Variants in SEC31A observed in about 807,000 individuals in gnomAD.
SEC31A encodes the protein SEC31 homolog A, COPII component, also known as protein transport protein Sec31A.
SEC31A carries 70 observed loss-of-function variants against 151.0 expected under a neutral mutation model. That is an observed-to-expected ratio of 0.46 (90% CI 0.38 to 0.57). The LOEUF is 0.57. Ranked by LOEUF, SEC31A falls within the 20% of genes least tolerant of loss-of-function variation. The pLI is 0.00. For missense variants in SEC31A, 1,330 were observed against 1,471.2 expected, an observed-to-expected ratio of 0.90 and a Z score of 1.57; for synonymous variants, 475 against 505.9, an observed-to-expected ratio of 0.94 and a Z score of 0.82.
intron 14 of SEC31A, among the ~76,000 whole-genome samples, chr4:82,859,354 G>C (rs1733538563): frequency 6.6e-6 from 1 of 152,056 alleles, no homozygotes; most frequent in Non-Finnish European, 1.5e-5. Flanking sequence ...AAATATAATG[G>C]GGGCATTTTG....
chr4:82,881,629 A>C (rs544502881), intron 2 of SEC31A, among the ~76,000 whole-genome samples: 13 of 152,354 alleles, frequency 8.5e-5, no homozygotes, highest in African/African-American at 2.6e-4. Flanking sequence ...TACTGGAGGA[A>C]TAAAGATAAA....
rs936776884 is a variant in SEC31A, at chr4:82,854,921, C to G, written c.1990G>C (p.Glu664Gln). 2 of 1,612,592 alleles carry G rather than the reference C, an allele frequency of 1.2e-6. No homozygotes were observed. Among genetic ancestry groups the G allele is most frequent in the African/African-American group, 2.7e-5 (2 of 74,932 alleles). Residue 664 changes from glutamate to glutamine, a missense_variant, in exon 17 of 27, where the codon GAA (glutamate) becomes CAA (glutamine). By Grantham distance (29) the Glu-to-Gln change is conservative. Coordinates refer to ENST00000395310, the MANE Select transcript of SEC31A (RefSeq NM_001077207.4). ...CTCTTACCACAAAGGGCTGAAAATTCATCCGGCTTTGCATAAGTCAATACT... is the reference window on the plus strand; with the variant it reads ...CTCTTACCACAAAGGGCTGAAAATTGATCCGGCTTTGCATAAGTCAATACT... ...AAVLTYAKPD[E>Q]FSALCDLLGT...
intron 1 of SEC31A, among the ~76,000 whole-genome samples, chr4:82,885,754 C>T (rs895719074): frequency 1.3e-5 from 2 of 152,208 alleles, no homozygotes; most frequent in Non-Finnish European, 2.9e-5. Flanking sequence ...CAATCCCTTA[C>T]ATTATTGGAC....
At chr4:82,856,401 T>A (rs12502018) in intron 16 of SEC31A, among the ~76,000 whole-genome samples, 3 of 151,544 alleles carry the variant, frequency 2.0e-5, no homozygotes, top group East Asian at 4.0e-4. Context: ...CCCCCACCTC[T>A]GCCTCCCAAA....
At chr4:82,867,986 T>C (rs1424383984) in intron 8 of SEC31A, among the ~76,000 whole-genome samples, 2 of 152,234 alleles carry the variant, frequency 1.3e-5, no homozygotes, top group Non-Finnish European at 2.9e-5. Context: ...CCAATTGTTT[T>C]TGTCTGGTAA....
chr4:82,864,499 C>T lies in SEC31A; in HGVS notation c.1297G>A (p.Val433Ile), dbSNP rs753424546. ...QQHHVFISQVVTEKEFLSRSD... is the reference protein window; with the variant it reads ...QQHHVFISQVITEKEFLSRSD... ...CGGCTGAGGAACTCCTTTTCTGTTACAACCTGACTAATGAACACATGGTGC... is the reference window on the plus strand; with the variant it reads ...CGGCTGAGGAACTCCTTTTCTGTTATAACCTGACTAATGAACACATGGTGC... Residue 433 changes from valine to isoleucine, a missense_variant, in exon 11 of 27, where the codon GTA becomes ATA. By Grantham distance (29) the Val-to-Ile change is conservative (BLOSUM62 3). Transcript: ENST00000395310. 3.1e-6 allele frequency: 5 copies of T among 1,614,028 alleles called. No homozygotes were observed. The highest frequency in any genetic ancestry group is 4.2e-6 in the Non-Finnish European group (5 of 1,180,036).
rs146328455 is a variant in SEC31A, at chr4:82,842,792, A to G, written c.2627-311T>C. The stretch of plus-strand genomic sequence containing the variant: ...CTTTTCCTGATCCTGTGAAGAGACA[A>G]CAGTGACCACCAGATGGAACCAGGG... On this transcript the variant is annotated intron_variant, in intron 21 of 26. Transcript: ENST00000395310. 1.2e-5 allele frequency: 3 copies of G among 255,454 alleles called. No individual in the cohort carries two copies. The East Asian group carries it at 2.7e-4, about 23-fold the overall frequency. The allele number at this position is 255,454 out of a possible 1,614,324, so 15.8% of individuals were successfully genotyped here.
At chr4:82,880,221 C>CA (rs1390415318) in intron 3 of SEC31A, among the ~76,000 whole-genome samples, 4 of 151,062 alleles carry the variant, frequency 2.6e-5, no homozygotes, top group African/African-American at 9.7e-5. Flanking sequence ...ACACACACAC[C>CA]AAAAAAACAG....
chr4:82,872,975 G>A (rs971402443), intron 6 of SEC31A, among the ~76,000 whole-genome samples: 3 of 152,118 alleles, frequency 2.0e-5, no homozygotes, highest in African/African-American at 7.2e-5. Context: ...AAAGTGTTAG[G>A]ATTGAGCTAC....
At chr4:82,885,714 T>C (rs1740540752) in intron 1 of SEC31A, among the ~76,000 whole-genome samples, 1 of 152,234 alleles carries the variant, frequency 6.6e-6, no homozygotes, top group Non-Finnish European at 1.5e-5. Flanking sequence ...TCCAATTTCT[T>C]TCCTCTTCTC....
At chr4:82,837,199 A>ACATAT (rs56888042) in intron 22 of SEC31A, among the ~76,000 whole-genome samples, 13 of 83,132 alleles carry the variant, frequency 1.6e-4, no homozygotes, top group Non-Finnish European at 3.2e-4. Flanking sequence ...ATATATATAT[A>ACATAT]ATTTCACCAC....
intron 8 of SEC31A, among the ~76,000 whole-genome samples, chr4:82,867,879 C>T (rs1307653433): frequency 3.3e-5 from 5 of 152,216 alleles, no homozygotes; most frequent in Admixed American, 2.0e-4. Flanking sequence ...GTGATCCGCC[C>T]GCCTTGGCCT....
chr4:82,865,832 A>T (rs978102018), intron 10 of SEC31A, among the ~76,000 whole-genome samples: 4 of 152,100 alleles, frequency 2.6e-5, no homozygotes, highest in African/African-American at 9.7e-5. Flanking sequence ...CAGTTTTGCA[A>T]GATGAGAAAG....
chr4:82,835,270 A>G (rs971682370), intron 22 of SEC31A, among the ~76,000 whole-genome samples: 2 of 152,222 alleles, frequency 1.3e-5, no homozygotes, highest in Non-Finnish European at 2.9e-5. Context: ...AGTACTATGG[A>G]GATTCATTAC....
chr4:82,874,564 T>A (rs1485571210), intron 6 of SEC31A, 47 bp downstream of exon 6: 10 of 1,531,108 alleles, frequency 6.5e-6, no homozygotes, highest in Non-Finnish European at 1.8e-6. Flanking sequence ...TAGGAATACC[T>A]ACAGCAGAAA....
At chr4:82,869,306 T>A (rs1736117568) in intron 8 of SEC31A, among the ~76,000 whole-genome samples, 1 of 151,078 alleles carries the variant, frequency 6.6e-6, no homozygotes, top group Admixed American at 6.6e-5. Flanking sequence ...ATTTTTTTTT[T>A]TTTTCAGTAG....
intron 1 of SEC31A, among the ~76,000 whole-genome samples, chr4:82,882,862 A>G (rs1469364683): frequency 6.6e-6 from 1 of 152,238 alleles, no homozygotes; most frequent in Non-Finnish European, 1.5e-5. Context: ...TCATGCTTGC[A>G]ATCGCAGCAC....
chr4:82,819,559 G>A (rs1722863876), intron 26 of SEC31A, among the ~76,000 whole-genome samples: 1 of 152,070 alleles, frequency 6.6e-6, no homozygotes, highest in African/African-American at 2.4e-5. Context: ...CTCCACTTAA[G>A]AGAGCTTCAG....
intron 25 of SEC31A, among the ~76,000 whole-genome samples, chr4:82,821,952 A>C (rs1723462624): frequency 6.6e-6 from 1 of 152,218 alleles, no homozygotes; most frequent in African/African-American, 2.4e-5. Context: ...CCAAGAAAGA[A>C]AGAAAACTAT....
Sources: allele counts gnomAD v4.1 joint callset (sites outside exome capture counted in the v4.1 genomes callset), GRCh38; gene constraint gnomAD v4.1.1; transcripts MANE v1.5; gene names NCBI Gene and HGNC (gene_info 2026-07-23, HGNC 2026-07-21).